MAPT: variants seen among roughly 807,000 people sequenced by gnomAD.
MAPT encodes the protein microtubule-associated protein tau.
Under a neutral mutation model 67.9 loss-of-function variants are expected in MAPT, and 34 were observed. The ratio of observed to expected loss-of-function variants is 0.50; its 90% confidence interval spans 0.38 to 0.67. MAPT has a LOEUF of 0.67. MAPT is among the 30% of genes least tolerant of loss of function. The pLI is 0.00. For synonymous variants in MAPT, 456 were observed against 464.5 expected (o/e 0.98, Z 0.23); for missense variants, 881 against 1,115.2 (o/e 0.79, Z 2.99).
chr17:45,933,282 C>T (rs2067018652), intron 1 of MAPT, among the ~76,000 whole-genome samples: 2 of 140,870 alleles, frequency 1.4e-5, no homozygotes, highest in South Asian at 2.2e-4. Flanking sequence ...CTCTCTCTGT[C>T]ACCCAGGCTG....
intron 10 of MAPT, among the ~76,000 whole-genome samples, chr17:46,013,434 C>T (rs188916478): frequency 6.6e-6 from 1 of 152,388 alleles, no homozygotes; most frequent in East Asian, 1.9e-4. Flanking sequence ...TCAGGGTCAT[C>T]ATTCCCAGAG....
At chr17:46,000,609 G>A (rs935571575) in intron 9 of MAPT, among the ~76,000 whole-genome samples, 1 of 152,224 alleles carries the variant, frequency 6.6e-6, no homozygotes, top group Admixed American at 6.5e-5. Flanking sequence ...TCCTGGACCT[G>A]TTGTCATCTT....
At position 45,915,902 on chromosome 17, in the gene MAPT, T is replaced by C. The variant is rs903700365; in HGVS notation, c.-18+21216T>C. On this transcript the variant is annotated intron_variant, in intron 1 of 12. Transcript: ENST00000262410. This position sits in a 1 kb window ranked among gnomAD's most constrained non-coding sequence, Gnocchi z 4.4. ...TTTATATCAAAAACAACCAGAACAC[T>C]CTCTTTTCTCTTAGTGCTTTCACCC... Among the ~76,000 whole-genome samples the C allele has an allele frequency of 6.6e-6, 1 of 152,072 alleles. No individual in the cohort carries two copies. Among genetic ancestry groups the C allele is most frequent in the African/African-American group, 2.4e-5 (1 of 41,388 alleles).
intron 1 of MAPT, among the ~76,000 whole-genome samples, chr17:45,943,204 C>G (rs1313920580): frequency 6.6e-6 from 1 of 152,156 alleles, no homozygotes; most frequent in African/African-American, 2.4e-5. Context: ...TAGATGTGCA[C>G]CATCGTGCCT....
At chr17:45,929,226 G>A (rs2066634580) in intron 1 of MAPT, among the ~76,000 whole-genome samples, 1 of 152,084 alleles carries the variant, frequency 6.6e-6, no homozygotes, top group African/African-American at 2.4e-5. Flanking sequence ...TTTCAATCAA[G>A]CTCTGTCATA....
intron 3 of MAPT, chr17:45,976,871 G>A (rs17651285): frequency 0.14 from 22,032 of 152,386 alleles, 2,149 homozygotes; most frequent in Non-Finnish European, 0.22. Flanking sequence ...GACCGTGTCC[G>A]AGGAAGCCTC....
At chr17:45,949,323 C>A (rs1323041250) in intron 1 of MAPT, among the ~76,000 whole-genome samples, 3 of 152,246 alleles carry the variant, frequency 2.0e-5, no homozygotes, top group African/African-American at 7.2e-5. Flanking sequence ...GAAGCTCGGT[C>A]CAGGTCCCCA....
At chr17:45,947,938 C>T (rs574655004) in intron 1 of MAPT, among the ~76,000 whole-genome samples, 16 of 152,164 alleles carry the variant, frequency 1.1e-4, no homozygotes, top group Non-Finnish European at 1.9e-4. Flanking sequence ...TCCCACCCTT[C>T]CCCACTCCCA....
chr17:46,000,018 C>T lies in MAPT; in HGVS notation c.1998+3354C>T, dbSNP rs539782360. Among the ~76,000 whole-genome samples the T allele has an allele frequency of 2.7e-4, 41 of 152,342 alleles. No homozygotes were observed. In the South Asian group the frequency reaches 7.7e-3, roughly 28 times the overall value. On this transcript the variant is annotated intron_variant, in intron 9 of 12. Transcript: ENST00000262410. ...CTCCTGGACTGGCCTGAAGGCTCCA[C>T]GAGCTTTTGCTGAGACCTTTGGGTC...
At chr17:45,910,576 T>A (rs60128610) in intron 1 of MAPT, among the ~76,000 whole-genome samples, 26,015 of 151,786 alleles carry the variant, frequency 0.17, 2,807 homozygotes, top group South Asian at 0.33. Context: ...GTGTTTTTGC[T>A]TTTGTTTTGT....
At chr17:45,972,854 T>C (rs2071864627) in intron 3 of MAPT, 1 of 153,258 alleles carries the variant, frequency 6.5e-6, no homozygotes, top group South Asian at 2.1e-4. Context: ...CTTCTGCTTA[T>C]GTCTCATTGG....
chr17:46,011,004 CAG>C (rs1293184888), intron 10 of MAPT, among the ~76,000 whole-genome samples: 41 of 152,388 alleles, frequency 2.7e-4, no homozygotes, highest in Non-Finnish European at 4.7e-4. Context: ...CACCCTCTGG[CAG>C]AGACTCCAGA....
Position 45,978,266 on chromosome 17 carries a change from C to T in MAPT, c.221-109C>T, listed in dbSNP as rs1427735013. The T allele has an allele frequency of 5.7e-6, 5 of 876,876 alleles. No homozygotes were observed. The African/African-American group carries it at 6.6e-5, about 12-fold the overall frequency. The allele number at this position is 876,876 out of a possible 1,614,324, so 54.3% of individuals were successfully genotyped here. On this transcript the variant is annotated intron_variant, in intron 3 of 12. Transcript: ENST00000262410. ...GCACCTTGGTATTCTTGGGATGTGA[C>T]TTTCCTGAATGTTTAAGGGAAAATG...
chr17:45,984,284 A>T (rs1044438923), intron 5 of MAPT, among the ~76,000 whole-genome samples: 5 of 152,168 alleles, frequency 3.3e-5, no homozygotes, highest in Non-Finnish European at 7.4e-5. Context: ...GGGTGCCCTC[A>T]TGGTGTCTAG....
rs548729876 is a variant in MAPT, at chr17:46,009,481, C to A, written c.1999-829C>A. On this transcript the variant is annotated intron_variant, in intron 9 of 12. Transcript: ENST00000262410. Reference sequence around the variant, plus strand: ...GTCGTGGGAGACCCATCCAGGCCACCCCTGCTTATGGAAGAGCTGAGAAAA... The same window carrying A: ...GTCGTGGGAGACCCATCCAGGCCACACCTGCTTATGGAAGAGCTGAGAAAA... 1.2e-4 allele frequency among the ~76,000 whole-genome samples: 17 copies of A among 146,528 alleles called. No homozygotes were observed. In the East Asian group the frequency reaches 3.3e-3, roughly 28 times the overall value.
At position 45,896,051 on chromosome 17, in the gene MAPT, T is replaced by TC. The variant is rs770093577; in HGVS notation, c.-18+1371dup. The TC allele has an allele frequency of 6.6e-6, 1 of 152,176 alleles. No homozygotes were observed. The highest frequency in any genetic ancestry group is 1.5e-5 in the Non-Finnish European group (1 of 68,082). 9.4% of individuals were successfully genotyped at this position (152,176 alleles called of 1,614,324 possible). On this transcript the variant is annotated intron_variant, in intron 1 of 12. Coordinates refer to ENST00000262410, the MANE Select transcript of MAPT (RefSeq NM_001377265.1). The surrounding 1 kb of genome is among the most constrained non-coding windows in gnomAD (Gnocchi z 5.6). ...TTATTCTGAGGGTGTTCAGTCAACC[T>TC]CCCCCCTACGCCCATGCGCCTCTCT...
At chr17:45,963,313 A>C (rs1385920737) in intron 2 of MAPT, among the ~76,000 whole-genome samples, 1 of 152,106 alleles carries the variant, frequency 6.6e-6, no homozygotes, top group Non-Finnish European at 1.5e-5. Context: ...CTGTCAGACC[A>C]CATGGTTGGG....
chr17:45,978,071 G>A lies in MAPT; in HGVS notation c.221-304G>A, dbSNP rs1736295255. On this transcript the variant is annotated intron_variant, in intron 3 of 12. Coordinates refer to ENST00000262410, the MANE Select transcript of MAPT (RefSeq NM_001377265.1). ...CAAATTGCTTCTCTGACCTCACTCAGCCTGTGTGTCCTTGTTGAGTGAGGC... is the reference window on the plus strand; with the variant it reads ...CAAATTGCTTCTCTGACCTCACTCAACCTGTGTGTCCTTGTTGAGTGAGGC... 4 of 427,822 alleles carry A rather than the reference G, an allele frequency of 9.3e-6. No individual in the cohort carries two copies. In the South Asian group the frequency reaches 9.8e-5, roughly 10 times the overall value. The allele number at this position is 427,822 out of a possible 1,614,324, so 26.5% of individuals were successfully genotyped here. A position where few individuals can be genotyped will look rare whatever the true frequency, so the allele number is the denominator to read the frequency against.
At chr17:45,984,691 T>A (rs1343695657) in intron 5 of MAPT, among the ~76,000 whole-genome samples, 1 of 152,190 alleles carries the variant, frequency 6.6e-6, no homozygotes, top group Non-Finnish European at 1.5e-5. Flanking sequence ...GACAAGGGGA[T>A]CCTCATGCTG....
Sources: allele counts gnomAD v4.1 joint callset (sites outside exome capture counted in the v4.1 genomes callset), GRCh38; gene constraint gnomAD v4.1.1; non-coding constraint Gnocchi (gnomAD v3.1); transcripts MANE v1.5; gene names NCBI Gene and HGNC (gene_info 2026-07-23, HGNC 2026-07-21).